Variants in SH3GL2 observed in about 807,000 individuals in gnomAD.
SH3GL2 encodes the protein endophilin-A1.
Under a neutral mutation model 46.0 loss-of-function variants are expected in SH3GL2, and 24 were observed. The ratio of observed to expected loss-of-function variants is 0.52; its 90% CI spans 0.38 to 0.73. SH3GL2 has a LOEUF of 0.73. Among genes scored for constraint, SH3GL2 ranks in the 30% least tolerant of loss-of-function variants. The probability of loss-of-function intolerance (pLI) is 0.00; values close to 1 mark genes in which losing one functional copy is unlikely to be tolerated. For missense variants in SH3GL2, 413 were observed against 424.2 expected (o/e 0.97, Z 0.23); for synonymous variants, 196 against 147.1 (o/e 1.33, Z -2.40).
intron 2 of SH3GL2, among the ~76,000 whole-genome samples, chr9:17,754,387 CT>C (rs1822931042): frequency 6.6e-6 from 1 of 152,046 alleles, no homozygotes; most frequent in Non-Finnish European, 1.5e-5. Flanking sequence ...TTGTAAAGAA[CT>C]TTTGGCCGGG....
chr9:17,771,097 C>A (rs554724487), intron 3 of SH3GL2, among the ~76,000 whole-genome samples: 2 of 152,302 alleles, frequency 1.3e-5, no homozygotes, highest in South Asian at 2.1e-4. Flanking sequence ...TGTGGCTGTT[C>A]CCAGCCAGAG....
chr9:17,759,615 A>T (rs1003502307), intron 2 of SH3GL2, among the ~76,000 whole-genome samples: 10 of 152,280 alleles, frequency 6.6e-5, no homozygotes, highest in African/African-American at 2.4e-4. Flanking sequence ...AAAGATATTT[A>T]TAGTCCTTAG....
chr9:17,613,065 A>G (rs985788786), intron 1 of SH3GL2, among the ~76,000 whole-genome samples: 14 of 152,186 alleles, frequency 9.2e-5, no homozygotes, highest in African/African-American at 3.1e-4. Flanking sequence ...GAGCAAGAAT[A>G]CAGAGATTCA....
Position 17,674,776 on chromosome 9 carries a change from T to A in SH3GL2, c.46-72290T>A, listed in dbSNP as rs568152441. On this transcript the variant is annotated intron_variant, in intron 1 of 8. Coordinates refer to ENST00000380607, the MANE Select transcript of SH3GL2 (RefSeq NM_003026.5). ...CTGTCAGCTCTGCCTCCCTCTCTCA[T>A]CCTTAAGGGGACTGGCCAGGGTTTC... 5.3e-5 allele frequency among the ~76,000 whole-genome samples: 8 copies of A among 152,242 alleles called. 1 individual carries two copies. The East Asian group carries it at 1.6e-3, about 30-fold the overall frequency.
At chr9:17,657,733 C>CAA (rs3084637) in intron 1 of SH3GL2, among the ~76,000 whole-genome samples, 2 of 151,732 alleles carry the variant, frequency 1.3e-5, no homozygotes, top group African/African-American at 4.8e-5. Context: ...TTATCTGTAA[C>CAA]GGGAACAATA....
At chr9:17,641,666 C>T (rs1819686527) in intron 1 of SH3GL2, among the ~76,000 whole-genome samples, 1 of 152,094 alleles carries the variant, frequency 6.6e-6, no homozygotes, top group Non-Finnish European at 1.5e-5. Context: ...GTTCAACACC[C>T]ATTTATGAGT....
chr9:17,696,093 C>T (rs1180131072), intron 1 of SH3GL2, among the ~76,000 whole-genome samples: 1 of 152,076 alleles, frequency 6.6e-6, no homozygotes, highest in Non-Finnish European at 1.5e-5. Flanking sequence ...CAGTGAAGGC[C>T]CTCTGTAATA....
At chr9:17,703,603 C>G (rs1821391617) in intron 1 of SH3GL2, among the ~76,000 whole-genome samples, 1 of 152,074 alleles carries the variant, frequency 6.6e-6, no homozygotes. Flanking sequence ...AGCTAATCCA[C>G]TATGATCAAG....
In SH3GL2 at chr9:17,629,961, T is replaced by C. The variant is rs16935815; in HGVS notation, c.45+50674T>C. ...CACCTGTAATGGAATCACATGGAGA[T>C]GCTTGAAAAAGTGGCACGTTTCTGG... is the stretch of plus-strand genomic sequence containing the variant. On this transcript the variant is annotated intron_variant, in intron 1 of 8. Transcript: ENST00000380607. Among the ~76,000 whole-genome samples, 989 of 152,292 alleles carry C rather than the reference T, an allele frequency of 6.5e-3. 14 individuals carry two copies. The highest frequency in any genetic ancestry group is 0.023 in the African/African-American group (953 of 41,560).
intron 1 of SH3GL2, among the ~76,000 whole-genome samples, chr9:17,617,366 GT>G: frequency 6.6e-6 from 1 of 152,292 alleles, no homozygotes; most frequent in South Asian, 2.1e-4. Flanking sequence ...CTCTATCATT[GT>G]TTCCCAGTGC....
At chr9:17,717,242 A>C (rs934009749) in intron 1 of SH3GL2, among the ~76,000 whole-genome samples, 1 of 152,086 alleles carries the variant, frequency 6.6e-6, no homozygotes, top group Non-Finnish European at 1.5e-5. Context: ...TCTCTCTTTT[A>C]TGCTGTCACA....
intron 1 of SH3GL2, among the ~76,000 whole-genome samples, chr9:17,696,106 C>G (rs1439727864): frequency 1.3e-5 from 2 of 152,124 alleles, no homozygotes; most frequent in Non-Finnish European, 2.9e-5. Context: ...CTGTAATACC[C>G]AAGTCCTTTC....
At chr9:17,666,580 A>ATATG (rs1820348787) in intron 1 of SH3GL2, among the ~76,000 whole-genome samples, 2 of 111,790 alleles carry the variant, frequency 1.8e-5, no homozygotes, top group South Asian at 6.0e-4. Context: ...GTGTGTGTGT[A>ATATG]TATACATTAA....
chr9:17,618,120 AC>A (rs1218807134), intron 1 of SH3GL2, among the ~76,000 whole-genome samples: 5 of 152,196 alleles, frequency 3.3e-5, no homozygotes. Context: ...TTGGTTCTCA[AC>A]CGGGGATGAT....
intron 1 of SH3GL2, among the ~76,000 whole-genome samples, chr9:17,586,637 C>G (rs936737205): frequency 3.3e-5 from 5 of 152,072 alleles, no homozygotes; most frequent in African/African-American, 4.8e-5. Context: ...TCAAAAATGT[C>G]CTTCACATGA....
chr9:17,639,192 C>T (rs1230616715), intron 1 of SH3GL2, among the ~76,000 whole-genome samples: 1 of 151,968 alleles, frequency 6.6e-6, no homozygotes, highest in Admixed American at 6.6e-5. Context: ...GCATGAACTG[C>T]AAAAGAAAAA....
chr9:17,718,692 T>C (rs1366247016), intron 1 of SH3GL2, among the ~76,000 whole-genome samples: 2 of 152,120 alleles, frequency 1.3e-5, no homozygotes, highest in East Asian at 3.9e-4. Flanking sequence ...ATCATGCCAC[T>C]GCACTCCAGC....
At chr9:17,652,291 C>T (rs1186044953) in intron 1 of SH3GL2, among the ~76,000 whole-genome samples, 1 of 151,968 alleles carries the variant, frequency 6.6e-6, no homozygotes, top group African/African-American at 2.4e-5. Flanking sequence ...TAGTTTCCCT[C>T]ATTTCTTCTT....
At chr9:17,723,752 T>G (rs912281652) in intron 1 of SH3GL2, among the ~76,000 whole-genome samples, 3 of 150,334 alleles carry the variant, frequency 2.0e-5, no homozygotes, top group Non-Finnish European at 4.4e-5. Context: ...ATTTTTGTGT[T>G]TTTTTTCTCT....
Sources: gnomAD v4.1 joint callset for allele counts (sites outside exome capture counted in the v4.1 genomes callset) on GRCh38, gnomAD v4.1.1 for gene constraint, MANE v1.5 for transcripts, NCBI Gene and HGNC (gene_info 2026-07-23, HGNC 2026-07-21) for gene names.